ABCA8: variants seen among roughly 807,000 people sequenced by gnomAD.
ABCA8 encodes ATP binding cassette subfamily A member 8, also known as ABC-type organic anion transporter ABCA8.
In ABCA8, 177 loss-of-function variants were observed where a neutral mutation model predicts 192.3. That is an observed-to-expected ratio of 0.92 (90% CI 0.81 to 1.04). ABCA8 has a LOEUF of 1.04. Ranked by LOEUF, ABCA8 falls within the 50% of genes least tolerant of loss-of-function variation. The pLI is 0.00. For missense variants in ABCA8, 1,915 were observed against 1,904.8 expected, an observed-to-expected ratio of 1.01 and a Z score of -0.10; for synonymous variants, 642 against 690.2, an observed-to-expected ratio of 0.93 and a Z score of 1.09.
rs748235883 is a variant in ABCA8, at chr17:68,902,746, G to A, written c.2731C>T (p.Pro911Ser). 8.1e-6 allele frequency: 13 copies of A among 1,613,494 alleles called. No individual in the cohort carries two copies. The African/African-American group carries it at 1.7e-4, about 22-fold the overall frequency. Residue 911 changes from proline (P) to serine (S), a missense_variant, in exon 21 of 40, where the codon CCT (proline) becomes TCT (serine). Transcript: ENST00000586539. ...FLAPGQQPHD[P>S]LTQLLIINKT... ...TTGATGATCAGTAGTTGAGTGAGAG[G>A]GTCATGTGGTTGTTGTCCAGGAGCA... is the stretch of plus-strand genomic sequence containing the variant.
chr17:68,916,094 A>T (rs1395144374), intron 17 of ABCA8, among the ~76,000 whole-genome samples: 3 of 152,050 alleles, frequency 2.0e-5, no homozygotes, highest in Admixed American at 1.3e-4. Context: ...TTTTATGGAG[A>T]TAGTAGAAGG....
intron 21 of ABCA8, among the ~76,000 whole-genome samples, chr17:68,902,047 C>T (rs2143478523): frequency 6.6e-6 from 1 of 152,204 alleles, no homozygotes; most frequent in African/African-American, 2.4e-5. Flanking sequence ...AAAATATATC[C>T]ATCTGCTGAT....
Position 68,932,272 on chromosome 17 carries a change from G to A in ABCA8, c.797+16C>T. 3.8e-6 allele frequency: 6 copies of A among 1,569,172 alleles called. No homozygotes were observed. The highest frequency in any genetic ancestry group is 5.2e-6 in the Non-Finnish European group (6 of 1,146,028). On this transcript the variant is annotated intron_variant, in intron 7 of 39. Transcript: ENST00000586539. Reference sequence around the variant, plus strand: ...TGAGTTCCTCCGTTTATTTATTTGTGCTGCGTTTGACTCACCAGAACGCTG... The same window carrying A: ...TGAGTTCCTCCGTTTATTTATTTGTACTGCGTTTGACTCACCAGAACGCTG...
intron 24 of ABCA8, among the ~76,000 whole-genome samples, chr17:68,889,080 A>C (rs1224934487): frequency 6.6e-6 from 1 of 152,232 alleles, no homozygotes. Context: ...AAAGACTTAT[A>C]GTTACATCAA....
chr17:68,881,820 G>A (rs369410259), intron 31 of ABCA8, 43 bp downstream of exon 31: 54 of 1,443,528 alleles, frequency 3.7e-5, no homozygotes, highest in Non-Finnish European at 4.8e-5. Flanking sequence ...AGGAACCTCT[G>A]AGGAGGGCTC....
At position 68,911,167 on chromosome 17, in the gene ABCA8, C is replaced by T. The variant is rs895810083; in HGVS notation, c.2139-3288G>A. ...GGGTCCTGGATTCTAGGCCTTGGCT[C>T]CTGGATCTGGACTTGCCCCAGGCCA... On this transcript the variant is annotated intron_variant, in intron 17 of 39. Transcript: ENST00000586539. This position sits in a 1 kb window ranked among gnomAD's most constrained non-coding sequence, Gnocchi z 5.7. 3.9e-5 allele frequency among the ~76,000 whole-genome samples: 6 copies of T among 152,254 alleles called. No homozygotes were observed. Among genetic ancestry groups the T allele is most frequent in the African/African-American group, 1.2e-4 (5 of 41,550 alleles).
In ABCA8 at chr17:68,906,180, C is replaced by T. The variant is rs200278665; in HGVS notation, c.2279-17G>A. The T allele has an allele frequency of 3.1e-3, 4,517 of 1,480,374 alleles. 10 individuals are homozygous for T. Among genetic ancestry groups the T allele is most frequent in the Non-Finnish European group, 3.7e-3 (4,094 of 1,114,364 alleles). 91.7% of individuals were successfully genotyped at this position (1,480,374 alleles called of 1,614,324 possible). On this transcript the variant is annotated splice_polypyrimidine_tract_variant and intron_variant, in intron 18 of 39. Coordinates refer to ENST00000586539, the MANE Select transcript of ABCA8 (RefSeq NM_001288985.2). ...TGTAAAGTTCTAAAGAATACATATA[C>T]AGCAGTGAATTAAAACAAGAATCAC...
intron 17 of ABCA8, among the ~76,000 whole-genome samples, chr17:68,916,854 C>T (rs746709137): frequency 2.0e-5 from 3 of 152,138 alleles, no homozygotes; most frequent in Non-Finnish European, 4.4e-5. Context: ...TCATATTTAT[C>T]TAAACTTTTG....
chr17:68,869,874 A>G (rs1407342095), intron 37 of ABCA8, 95 bp from the exon 38 acceptor site: 23 of 874,100 alleles, frequency 2.6e-5, no homozygotes, highest in Admixed American at 6.1e-5. Flanking sequence ...TCTTTTAAAA[A>G]ATGGTGTTAG....
intron 13 of ABCA8, chr17:68,919,682 C>T: frequency 2.1e-6 from 1 of 480,812 alleles, no homozygotes; most frequent in Non-Finnish European, 3.7e-6. Context: ...GTCTGCCCCT[C>T]ACATTTAGCT....
chr17:68,932,297 G>A lies in ABCA8; in HGVS notation c.788C>T (p.Ser263Leu), dbSNP rs368583742. 2.5e-5 allele frequency: 40 copies of A among 1,610,508 alleles called. No individual in the cohort carries two copies. The highest frequency in any genetic ancestry group is 4.4e-5 in the South Asian group (4 of 90,964). ...GCTGCGTTTGACTCACCAGAACGCT[G>A]AATCCCGAAGACCCATCATTGTCAT... Reference protein sequence around the residue: ...ALMTMMGLRDSAFWLSWGLLY... With the variant: ...ALMTMMGLRDLAFWLSWGLLY... Residue 263 changes from serine (S) to leucine (L), a missense_variant, in exon 7 of 40, where the codon TCA (serine) becomes TTA (leucine). Transcript: ENST00000586539.
chr17:68,881,252 G>T, intron 31 of ABCA8, 41 bp from the exon 32 acceptor site: 9 of 1,323,060 alleles, frequency 6.8e-6, no homozygotes, highest in Non-Finnish European at 9.8e-6. Flanking sequence ...TATTTTAATG[G>T]TAACATTAAG....
At chr17:68,890,188 G>A (rs34952002) in intron 24 of ABCA8, among the ~76,000 whole-genome samples, 59,473 of 151,954 alleles carry the variant, frequency 0.39, 12,423 homozygotes, top group East Asian at 0.55. Flanking sequence ...TGAGAGTTCC[G>A]GTTTCTCCAC....
At chr17:68,887,903 TATATCC>T (rs1305170338) in intron 24 of ABCA8, among the ~76,000 whole-genome samples, 3 of 56,888 alleles carry the variant, frequency 5.3e-5, no homozygotes, top group Admixed American at 2.1e-4. Flanking sequence ...TATATATATA[TATATCC>T]ATATATATAT....
intron 27 of ABCA8, 34 bp from the exon 28 acceptor site, chr17:68,884,430 T>A: frequency 6.5e-7 from 1 of 1,545,098 alleles, no homozygotes; most frequent in Non-Finnish European, 8.7e-7. Flanking sequence ...AAACAGGGAG[T>A]TTTTTGTTTC....
intron 37 of ABCA8, among the ~76,000 whole-genome samples, chr17:68,870,475 C>G (rs542461915): frequency 1.4e-4 from 21 of 152,206 alleles, no homozygotes; most frequent in Non-Finnish European, 2.4e-4. Context: ...GCTTATTCAT[C>G]TTGCTTAACT....
In ABCA8 at chr17:68,887,925, T is replaced by TGGATATATATGGATATATATATTA; in HGVS notation, c.3145-420_3145-419insTAATATATATATCCATATATATCC. On this transcript the variant is annotated intron_variant, in intron 24 of 39. Transcript: ENST00000586539. ...ATATATATCCATATATATATATATATTATATATGGATATATATATTATATA... is the reference window on the plus strand; with the variant it reads ...ATATATATCCATATATATATATATATGGATATATATGGATATATATATTATATATATGGATATATATATTATATA... Among the ~76,000 whole-genome samples, 360 of 100,976 alleles carry TGGATATATATGGATATATATATTA rather than the reference T, an allele frequency of 3.6e-3. 8 individuals are homozygous for TGGATATATATGGATATATATATTA. The highest frequency in any genetic ancestry group is 0.012 in the African/African-American group (302 of 24,766). 66.2% of individuals were successfully genotyped at this position (100,976 alleles called of 152,430 possible).
chr17:68,885,129 C>T, intron 27 of ABCA8, 67 bp downstream of exon 27: 2 of 1,525,434 alleles, frequency 1.3e-6, no homozygotes, highest in Non-Finnish European at 1.8e-6. Flanking sequence ...AGACCTTCAA[C>T]ATTGGGCAAA....
chr17:68,940,844 T>G lies in ABCA8; in HGVS notation c.215A>C (p.Glu72Ala). 1.2e-6 allele frequency: 2 copies of G among 1,613,562 alleles called. No individual in the cohort carries two copies. Among genetic ancestry groups the G allele is most frequent in the Middle Eastern group, 1.7e-4 (1 of 6,056 alleles). Residue 72 changes from glutamate (E) to alanine (A), a missense_variant, in exon 4 of 40, where the codon GAA becomes GCA. Physicochemically the swap from Glu to Ala is moderately radical, Grantham distance 107. Coordinates refer to ENST00000586539, the MANE Select transcript of ABCA8 (RefSeq NM_001288985.2). ...TGTGTATACAACAGAAAATCTGGATTCATTAAATGTATCTACCCGTCCCAG... is the reference window on the plus strand; with the variant it reads ...TGTGTATACAACAGAAAATCTGGATGCATTAAATGTATCTACCCGTCCCAG... ...MDLGRVDTFN[E>A]SRFSVVYTPV...
Sources: gnomAD v4.1 joint callset for allele counts (sites outside exome capture counted in the v4.1 genomes callset) on GRCh38, gnomAD v4.1.1 for gene constraint, Gnocchi (gnomAD v3.1) non-coding constraint, MANE v1.5 for transcripts, NCBI Gene and HGNC (gene_info 2026-07-23, HGNC 2026-07-21) for gene names.